Variants in PIK3C2G observed in about 807,000 individuals in gnomAD.
PIK3C2G encodes phosphatidylinositol 3-kinase C2 domain-containing subunit gamma.
PIK3C2G carries 168 observed loss-of-function variants against 181.1 expected under a neutral mutation model. That is an observed-to-expected ratio of 0.93 (90% CI 0.82 to 1.05). PIK3C2G has a LOEUF of 1.05. PIK3C2G is among the 50% of genes least tolerant of loss of function. PIK3C2G has a pLI of 0.00. For synonymous variants in PIK3C2G, 573 were observed against 592.2 expected (o/e 0.97, Z 0.47); for missense variants, 1,869 against 1,732.8 (o/e 1.08, Z -1.40).
chr12:18,562,626 C>G, intron 26 of PIK3C2G, 77 bp from the exon 27 acceptor site: 2 of 887,812 alleles, frequency 2.3e-6, no homozygotes, highest in Non-Finnish European at 3.5e-6. Context: ...CTGACAAACA[C>G]AAGGAAACAG....
At chr12:18,347,834 A>G (rs1266795846) in intron 11 of PIK3C2G, among the ~76,000 whole-genome samples, 2 of 152,110 alleles carry the variant, frequency 1.3e-5, no homozygotes, top group Admixed American at 1.3e-4. Context: ...AAAGAAAAAA[A>G]AAATCAATCT....
At chr12:18,363,054 C>A (rs1039675819) in intron 12 of PIK3C2G, 168 bp downstream of exon 12, 1 of 486,652 alleles carries the variant, frequency 2.1e-6, no homozygotes, top group Admixed American at 4.0e-5. Context: ...TTGTTCAATT[C>A]AACAGATTAA....
chr12:18,399,902 A>G, intron 16 of PIK3C2G, 55 bp downstream of exon 16: 3 of 1,027,686 alleles, frequency 2.9e-6, no homozygotes, highest in Non-Finnish European at 4.1e-6. Context: ...TTGCTTGAAG[A>G]GAACTATAGA....
At chr12:18,615,373 G>GTATATA (rs751465088) in intron 31 of PIK3C2G, among the ~76,000 whole-genome samples, 2 of 90,728 alleles carry the variant, frequency 2.2e-5, no homozygotes, top group Non-Finnish European at 5.1e-5. Flanking sequence ...GTGTGTGTAT[G>GTATATA]TGTATATATA....
the PIK3C2G span, among the ~76,000 whole-genome samples, chr12:18,701,997 T>C: frequency 4.6e-5 from 7 of 152,298 alleles, no homozygotes; most frequent in African/African-American, 1.7e-4. Flanking sequence ...CCTGTTATGA[T>C]TGAGACTTAC....
chr12:18,518,159 G>A (rs773669442), intron 24 of PIK3C2G, among the ~76,000 whole-genome samples: 38 of 152,104 alleles, frequency 2.5e-4, no homozygotes, highest in Non-Finnish European at 4.4e-4. Context: ...GAGGATTTTC[G>A]CATTGATGTT....
At chr12:18,523,512 C>G (rs1943044161) in intron 24 of PIK3C2G, among the ~76,000 whole-genome samples, 1 of 152,184 alleles carries the variant, frequency 6.6e-6, no homozygotes, top group South Asian at 2.1e-4. Context: ...TAGGTAATTA[C>G]TGATCTGTAG....
At chr12:18,306,624 CA>C (rs1246388385) in intron 5 of PIK3C2G, among the ~76,000 whole-genome samples, 1 of 152,072 alleles carries the variant, frequency 6.6e-6, no homozygotes, top group Non-Finnish European at 1.5e-5. Context: ...TTTGAAGGGG[CA>C]CATACCAAAT....
intron 29 of PIK3C2G, among the ~76,000 whole-genome samples, chr12:18,577,594 C>G (rs1266983327): frequency 6.6e-6 from 1 of 152,144 alleles, no homozygotes; most frequent in African/African-American, 2.4e-5. Context: ...CCTAAAAATA[C>G]TCCAAGTGAG....
chr12:18,565,794 T>G (rs6486907), intron 28 of PIK3C2G, among the ~76,000 whole-genome samples: 4,115 of 152,266 alleles, frequency 0.027, 128 homozygotes, highest in African/African-American at 0.081. Flanking sequence ...ATAGCAGAAT[T>G]GACGTAGACT....
intron 18 of PIK3C2G, among the ~76,000 whole-genome samples, chr12:18,437,885 T>C (rs1272987985): frequency 6.6e-6 from 1 of 151,862 alleles, no homozygotes; most frequent in Non-Finnish European, 1.5e-5. Context: ...AGGAAGCGTA[T>C]TGAGGAAAGA....
chr12:18,264,309 AT>A (rs1413762856), intron 1 of PIK3C2G, among the ~76,000 whole-genome samples: 1 of 152,126 alleles, frequency 6.6e-6, no homozygotes, highest in Non-Finnish European at 1.5e-5. Context: ...TATTGTTTAT[AT>A]AGTCAACGTT....
intron 9 of PIK3C2G, among the ~76,000 whole-genome samples, chr12:18,341,941 CA>C (rs1299191622): frequency 1.3e-5 from 2 of 152,110 alleles, no homozygotes; most frequent in East Asian, 3.9e-4. Context: ...AATTATATGA[CA>C]AACATACTTG....
chr12:18,624,517 C>A (rs11044220), intron 31 of PIK3C2G, among the ~76,000 whole-genome samples: 1 of 151,264 alleles, frequency 6.6e-6, no homozygotes, highest in Non-Finnish European at 1.5e-5. Context: ...TGATTTTCTT[C>A]TCTCCCTATA....
chr12:18,248,377 C>G (rs1386740028), intron 1 of PIK3C2G, among the ~76,000 whole-genome samples: 2 of 152,054 alleles, frequency 1.3e-5, no homozygotes, highest in Non-Finnish European at 2.9e-5. Context: ...TCGAGACCAT[C>G]CTAGCTAACA....
chr12:18,661,487 A>G, the PIK3C2G span, among the ~76,000 whole-genome samples: 1 of 152,152 alleles, frequency 6.6e-6, no homozygotes, highest in Non-Finnish European at 1.5e-5. Flanking sequence ...ACTGTCAACC[A>G]TGAATCCTGT....
intron 6 of PIK3C2G, among the ~76,000 whole-genome samples, chr12:18,320,488 T>C (rs1011671223): frequency 2.6e-5 from 4 of 152,256 alleles, no homozygotes; most frequent in African/African-American, 9.6e-5. Context: ...GCTCATGGAA[T>C]GGAAAACTCT....
At chr12:18,566,803 C>T in intron 28 of PIK3C2G, 146 bp from the exon 29 acceptor site, 1 of 618,650 alleles carries the variant, frequency 1.6e-6, no homozygotes, top group African/African-American at 1.9e-5. Context: ...TAATAAAATT[C>T]TGAGGATTAA....
At chr12:18,330,852 C>T (rs1158421360) in intron 8 of PIK3C2G, among the ~76,000 whole-genome samples, 4 of 152,122 alleles carry the variant, frequency 2.6e-5, no homozygotes, top group South Asian at 4.1e-4. Flanking sequence ...TTGGTTCGTT[C>T]GCTTGCTTTT....
Sources: allele counts gnomAD v4.1 joint callset (sites outside exome capture counted in the v4.1 genomes callset), GRCh38; gene constraint gnomAD v4.1.1; transcripts MANE v1.5; gene names NCBI Gene and HGNC (gene_info 2026-07-23, HGNC 2026-07-21).